ARSB: variants seen among roughly 807,000 people sequenced by gnomAD.
The protein encoded by ARSB is N-acetylgalactosamine-4-sulfatase.
Under a neutral mutation model 50.9 loss-of-function variants are expected in ARSB, and 41 were observed. That is an observed-to-expected ratio of 0.81 (90% CI 0.63 to 1.04). The LOEUF (loss-of-function observed/expected upper bound fraction) is 1.04. Ranked by LOEUF, ARSB falls within the 50% of genes least tolerant of loss-of-function variation. The pLI is 0.00. For missense variants in ARSB, 672 were observed against 693.3 expected (o/e 0.97, Z 0.35); for synonymous variants, 269 against 284.8 (o/e 0.94, Z 0.56).
chr5:78,874,485 G>A (rs1369928845), intron 5 of ARSB, among the ~76,000 whole-genome samples: 1 of 151,970 alleles, frequency 6.6e-6, no homozygotes, highest in African/African-American at 2.4e-5. Context: ...CCAAATAGTG[G>A]AACCTAAGTA....
At chr5:78,878,488 G>C (rs993552442) in intron 5 of ARSB, among the ~76,000 whole-genome samples, 6 of 151,800 alleles carry the variant, frequency 4.0e-5, no homozygotes, top group African/African-American at 1.5e-4. Context: ...CCATAAGTCA[G>C]TGAAAAGAGA....
rs186177979 is a variant in ARSB, at chr5:78,910,641, T to C, written c.899-24814A>G. On this transcript the variant is annotated intron_variant, in intron 4 of 7. Coordinates refer to ENST00000264914, the MANE Select transcript of ARSB (RefSeq NM_000046.5). ...GGGTAGGATTGGGAAATATCCCCTT[T>C]AGAAATAGAACATCTCTTCTATTTC... Among the ~76,000 whole-genome samples the C allele has an allele frequency of 8.5e-5, 13 of 152,318 alleles. No individual in the cohort carries two copies. The East Asian group carries it at 2.5e-3, about 29-fold the overall frequency.
At chr5:78,808,915 A>C (rs1042121552) in intron 6 of ARSB, among the ~76,000 whole-genome samples, 2 of 152,196 alleles carry the variant, frequency 1.3e-5, no homozygotes, top group African/African-American at 2.4e-5. Flanking sequence ...AGACGCCAAT[A>C]TGTGTTAGCT....
rs971914879 is a variant in ARSB, at chr5:78,794,236, C to A, written c.1214-12262G>T. ...TGATTTTATGAACTGATTTCTCATT[C>A]CTGGGCTTGCGGCTCTGTTAAAAAA... On this transcript the variant is annotated intron_variant, in intron 6 of 7. Transcript: ENST00000264914. Among the ~76,000 whole-genome samples the A allele has an allele frequency of 5.9e-5, 9 of 152,072 alleles. 1 individual carries two copies. The highest frequency in any genetic ancestry group is 2.2e-4 in the African/African-American group (9 of 41,386).
In ARSB at chr5:78,885,423, T is replaced by C. The variant is rs188991394; in HGVS notation, c.1142+161A>G. 65 of 1,000,898 alleles carry C rather than the reference T, an allele frequency of 6.5e-5. No individual in the cohort carries two copies. In the East Asian group the frequency reaches 6.8e-4, roughly 11 times the overall value. The allele number at this position is 1,000,898 out of a possible 1,614,324, so 62.0% of individuals were successfully genotyped here. ...ATCTCAAATTTATAATTTAAAAATA[T>C]ATATACTTACAATGTCTCTAAAGGC... On this transcript the variant is annotated intron_variant, in intron 5 of 7. Coordinates refer to ENST00000264914, the MANE Select transcript of ARSB (RefSeq NM_000046.5).
intron 4 of ARSB, among the ~76,000 whole-genome samples, chr5:78,888,085 G>C (rs1342207034): frequency 6.6e-6 from 1 of 152,118 alleles, no homozygotes; most frequent in Admixed American, 6.5e-5. Context: ...GTTAGATCAG[G>C]TGAGGAAACA....
At chr5:78,826,582 C>T (rs34764801) in intron 6 of ARSB, among the ~76,000 whole-genome samples, 4,308 of 152,238 alleles carry the variant, frequency 0.028, 177 homozygotes, top group African/African-American at 0.097. Context: ...GAACACAGTG[C>T]ACTGTCAACA....
chr5:78,907,531 C>A (rs752418198), intron 4 of ARSB, among the ~76,000 whole-genome samples: 1 of 152,158 alleles, frequency 6.6e-6, no homozygotes, highest in Non-Finnish European at 1.5e-5. Flanking sequence ...GCTTTAGCTG[C>A]GTTAAAGCAC....
intron 4 of ARSB, among the ~76,000 whole-genome samples, chr5:78,943,784 T>C (rs1367069723): frequency 6.6e-6 from 1 of 152,204 alleles, no homozygotes; most frequent in Non-Finnish European, 1.5e-5. Context: ...AGGAGTATCT[T>C]TGTGGCATTC....
At chr5:78,855,071 C>A (rs1210555082) in intron 5 of ARSB, among the ~76,000 whole-genome samples, 1 of 152,094 alleles carries the variant, frequency 6.6e-6, no homozygotes, top group Non-Finnish European at 1.5e-5. Flanking sequence ...TAGTACAGCC[C>A]CAGGAAGGAA....
In ARSB at chr5:78,838,348, A is replaced by G. The variant is rs143915213; in HGVS notation, c.1213+1008T>C. Among the ~76,000 whole-genome samples, 87 of 152,340 alleles carry G rather than the reference A, an allele frequency of 5.7e-4. 2 individuals are homozygous for G. The East Asian group carries it at 0.015, about 26-fold the overall frequency. On this transcript the variant is annotated intron_variant, in intron 6 of 7. Coordinates refer to ENST00000264914, the MANE Select transcript of ARSB (RefSeq NM_000046.5). Reference sequence around the variant, plus strand: ...TATTCATGACAGTACGATGATCTGCATGGAGATGACAAGTGTCTAGGAAGT... The same window carrying G: ...TATTCATGACAGTACGATGATCTGCGTGGAGATGACAAGTGTCTAGGAAGT...
intron 5 of ARSB, among the ~76,000 whole-genome samples, chr5:78,880,520 A>C (rs1747698759): frequency 6.6e-6 from 1 of 152,252 alleles, no homozygotes; most frequent in Non-Finnish European, 1.5e-5. Flanking sequence ...TTGGATATCA[A>C]GCATGCCACA....
intron 5 of ARSB, among the ~76,000 whole-genome samples, chr5:78,872,423 C>G (rs952304183): frequency 7.4e-6 from 1 of 135,314 alleles, no homozygotes; most frequent in Non-Finnish European, 1.6e-5. Flanking sequence ...ACCCAAATGT[C>G]CAACAATGAT....
intron 1 of ARSB, among the ~76,000 whole-genome samples, chr5:78,978,614 T>A (rs904408245): frequency 6.6e-6 from 1 of 152,148 alleles, no homozygotes; most frequent in Non-Finnish European, 1.5e-5. Flanking sequence ...ACCTTTGTAA[T>A]ACAAAGCTAC....
chr5:78,877,252 T>C (rs1316413498), intron 5 of ARSB, among the ~76,000 whole-genome samples: 1 of 152,136 alleles, frequency 6.6e-6, no homozygotes, highest in Non-Finnish European at 1.5e-5. Flanking sequence ...GACTCAGCAG[T>C]GGAGTATAAT....
intron 4 of ARSB, among the ~76,000 whole-genome samples, chr5:78,917,732 C>T (rs1749624361): frequency 6.6e-6 from 1 of 152,146 alleles, no homozygotes; most frequent in South Asian, 2.1e-4. Flanking sequence ...AGGCTGGTCT[C>T]GAATTCCTAA....
At chr5:78,798,941 G>A (rs185861992) in intron 6 of ARSB, among the ~76,000 whole-genome samples, 1 of 152,314 alleles carries the variant, frequency 6.6e-6, no homozygotes, top group East Asian at 1.9e-4. Context: ...GGGCCACTAG[G>A]TGATGCTTGC....
At chr5:78,828,871 T>G (rs78333094) in intron 6 of ARSB, among the ~76,000 whole-genome samples, 2,312 of 152,272 alleles carry the variant, frequency 0.015, 61 homozygotes, top group African/African-American at 0.053. Flanking sequence ...AGGGAGGTGA[T>G]TCTAGATTAT....
chr5:78,893,388 A>G (rs958352343), intron 4 of ARSB, among the ~76,000 whole-genome samples: 22 of 152,346 alleles, frequency 1.4e-4, no homozygotes, highest in Non-Finnish European at 1.9e-4. Flanking sequence ...AAAGGGCAAA[A>G]TCAGGGATGA....
Sources: gnomAD v4.1 joint callset for allele counts (sites outside exome capture counted in the v4.1 genomes callset) on GRCh38, gnomAD v4.1.1 for gene constraint, MANE v1.5 for transcripts, NCBI Gene and HGNC (gene_info 2026-07-23, HGNC 2026-07-21) for gene names.